The following DSTYK variants were observed in gnomAD, a reference collection of about 807,000 sequenced individuals.
DSTYK encodes RIP-homologous kinase.
DSTYK carries 34 observed loss-of-function variants against 98.7 expected under a neutral mutation model. The observed-to-expected ratio is 0.34, with a 90% CI of 0.26 to 0.46. The LOEUF (loss-of-function observed/expected upper bound fraction) is 0.46, where lower values mean the gene tolerates loss of function less well. Among genes scored for constraint, DSTYK ranks in the 20% least tolerant of loss-of-function variants. The probability of loss-of-function intolerance (pLI) is 1.00; values close to 1 mark genes in which losing one functional copy is unlikely to be tolerated. For missense variants in DSTYK, 962 were observed against 1,181.7 expected (o/e 0.81, Z 2.73); for synonymous variants, 462 against 457.3 (o/e 1.01, Z -0.13).
At chr1:205,209,300 A>G (rs1252083154) in intron 1 of DSTYK, among the ~76,000 whole-genome samples, 2 of 152,226 alleles carry the variant, frequency 1.3e-5, no homozygotes, top group Non-Finnish European at 2.9e-5. Flanking sequence ...GAAACTTCCG[A>G]GCAGGAGACA....
intron 6 of DSTYK, 117 bp from the exon 7 acceptor site, chr1:205,161,504 A>T: frequency 9.2e-7 from 1 of 1,085,918 alleles, no homozygotes; most frequent in Non-Finnish European, 1.3e-6. Context: ...ATTAAACAAG[A>T]TACATGTAAC....
At chr1:205,195,227 C>T (rs568134859) in intron 1 of DSTYK, among the ~76,000 whole-genome samples, 4 of 152,132 alleles carry the variant, frequency 2.6e-5, no homozygotes, top group Non-Finnish European at 4.4e-5. Flanking sequence ...TTATAGTTAA[C>T]TGAGGCAACC....
At position 205,142,545 on chromosome 1, in the gene DSTYK, T is replaced by C. The variant is rs1368933666; in HGVS notation, c.*5013A>G. ...CTTTATTATACAGCACATCTGGTATTTGTGTATCCCAACAAGTATACAGAA... is the reference window on the plus strand; with the variant it reads ...CTTTATTATACAGCACATCTGGTATCTGTGTATCCCAACAAGTATACAGAA... On this transcript the variant is annotated 3_prime_UTR_variant, in exon 13 of 13. Coordinates refer to ENST00000367162, the MANE Select transcript of DSTYK (RefSeq NM_015375.3). 2 of 152,210 alleles carry C rather than the reference T, an allele frequency of 1.3e-5. No individual in the cohort carries two copies. Among genetic ancestry groups the C allele is most frequent in the Non-Finnish European group, 2.9e-5 (2 of 68,044 alleles). 9.4% of individuals were successfully genotyped at this position (152,210 alleles called of 1,614,324 possible).
intron 3 of DSTYK, among the ~76,000 whole-genome samples, chr1:205,164,207 C>T (rs142749542): frequency 2.0e-5 from 3 of 152,184 alleles, no homozygotes; most frequent in Admixed American, 6.5e-5. Flanking sequence ...AATTCCAAAA[C>T]TTTGGGAGGC....
At chr1:205,175,592 T>C (rs1288568989) in intron 2 of DSTYK, among the ~76,000 whole-genome samples, 1 of 152,162 alleles carries the variant, frequency 6.6e-6, no homozygotes, top group Admixed American at 6.6e-5. Context: ...GAATGTGATA[T>C]GCGATTCTGC....
chr1:205,176,679 G>A (rs1658243432), intron 2 of DSTYK, among the ~76,000 whole-genome samples: 1 of 151,570 alleles, frequency 6.6e-6, no homozygotes, highest in East Asian at 2.0e-4. Flanking sequence ...CTGAGCTCAA[G>A]CGATCCTCCT....
intron 10 of DSTYK, among the ~76,000 whole-genome samples, chr1:205,154,969 A>AATTT (rs34240202): frequency 0.19 from 27,723 of 147,694 alleles, 2,691 homozygotes; most frequent in East Asian, 0.27. Flanking sequence ...TGGTGGAAGA[A>AATTT]ATTTATTTAT....
At chr1:205,168,314 G>C (rs1210221488) in intron 3 of DSTYK, among the ~76,000 whole-genome samples, 1 of 152,130 alleles carries the variant, frequency 6.6e-6, no homozygotes, top group African/African-American at 2.4e-5. Flanking sequence ...ATATTTACTA[G>C]CTGTGTGACC....
rs1393555036 is a variant in DSTYK at position 205,150,627 on chromosome 1, A to C, written c.2467+53T>G. 8 of 1,403,854 alleles carry C rather than the reference A, an allele frequency of 5.7e-6. No individual in the cohort carries two copies. Among genetic ancestry groups the C allele is most frequent in the African/African-American group, 1.4e-5 (1 of 70,428 alleles). 87.0% of individuals were successfully genotyped at this position (1,403,854 alleles called of 1,614,324 possible). On this transcript the variant is annotated intron_variant, in intron 11 of 12. Coordinates refer to ENST00000367162, the MANE Select transcript of DSTYK (RefSeq NM_015375.3). This position sits in a 1 kb window ranked among gnomAD's most constrained non-coding sequence, Gnocchi z 4.1. ...GAAACGAGCTCAAGGGGTAGCACTC[A>C]GGATTAAAGTAGTACGCCCTGCCCA...
intron 4 of DSTYK, among the ~76,000 whole-genome samples, chr1:205,163,297 G>A (rs138619004): frequency 0.013 from 1,962 of 151,642 alleles, 18 homozygotes; most frequent in Non-Finnish European, 0.02. Context: ...TTGGCTCACC[G>A]AAACCTCTGC....
At position 205,143,773 on chromosome 1, in the gene DSTYK, A is replaced by G. The variant is rs1439000247; in HGVS notation, c.*3785T>C. The G allele has an allele frequency of 6.6e-6, 1 of 152,622 alleles. No homozygotes were observed. The highest frequency in any genetic ancestry group is 6.5e-5 in the Admixed American group (1 of 15,274). 9.5% of individuals were successfully genotyped at this position (152,622 alleles called of 1,614,324 possible). ...TCTTTGGCAGCTCAAGCAAAGACAC[A>G]AGAATGCATTTGAGAGCTGACAGGT... On this transcript the variant is annotated 3_prime_UTR_variant, in exon 13 of 13. Coordinates refer to ENST00000367162, the MANE Select transcript of DSTYK (RefSeq NM_015375.3).
chr1:205,162,079 C>T lies in DSTYK; in HGVS notation c.1775G>A (p.Arg592Gln), dbSNP rs148815814. Residue 592 changes from arginine (R) to glutamine (Q), a missense_variant, in exon 6 of 13, where the codon CGG (arginine) becomes CAG (glutamine). Physicochemically the swap from Arg to Gln is conservative, Grantham distance 43. Transcript: ENST00000367162. Reference sequence around the variant, plus strand: ...AAAAGCCTCGTGGGAACTATTGAGCCGAGTCCGGAATTGGCTGCAAATGCT... The same window carrying T: ...AAAAGCCTCGTGGGAACTATTGAGCTGAGTCCGGAATTGGCTGCAAATGCT... ...AKSICSQFRTRLNSSHEAFAA... is the reference protein window; with the variant it reads ...AKSICSQFRTQLNSSHEAFAA... 2.5e-4 allele frequency: 410 copies of T among 1,614,004 alleles called. 1 individual carries two copies. The African/African-American group carries it at 3.9e-3, about 15-fold the overall frequency.
At chr1:205,165,935 T>C (rs1657874530) in intron 3 of DSTYK, among the ~76,000 whole-genome samples, 1 of 152,030 alleles carries the variant, frequency 6.6e-6, no homozygotes, top group Admixed American at 6.6e-5. Flanking sequence ...GGTGGGAGGA[T>C]TCCTTGAACC....
In DSTYK at chr1:205,144,107, G is replaced by C. The variant is rs1365254499; in HGVS notation, c.*3451C>G. On this transcript the variant is annotated 3_prime_UTR_variant, in exon 13 of 13. Coordinates refer to ENST00000367162, the MANE Select transcript of DSTYK (RefSeq NM_015375.3). Reference sequence around the variant, plus strand: ...CTTGCCATCAGCTCTCTAGGCACAGGGTCAGCCATTCCAGGGCCCCAGGCT... The same window carrying C: ...CTTGCCATCAGCTCTCTAGGCACAGCGTCAGCCATTCCAGGGCCCCAGGCT... 1 of 152,422 alleles carries C rather than the reference G, an allele frequency of 6.6e-6. No individual in the cohort carries two copies. The highest frequency in any genetic ancestry group is 1.5e-5 in the Non-Finnish European group (1 of 68,052). 9.4% of individuals were successfully genotyped at this position (152,422 alleles called of 1,614,324 possible). A position where few individuals can be genotyped will look rare whatever the true frequency, so the allele number is the denominator to read the frequency against.
chr1:205,207,062 T>C (rs1247280237), intron 1 of DSTYK, among the ~76,000 whole-genome samples: 1 of 150,786 alleles, frequency 6.6e-6, no homozygotes, highest in Non-Finnish European at 1.5e-5. Flanking sequence ...ACAACACATA[T>C]TTAAGTCACT....
rs1657111094 is a variant in DSTYK at position 205,142,774 on chromosome 1, CACACTTAGTATCTT to C, written c.*4770_*4783del. ...CTTTTGTTATTGCACTTTTATTCTA[CACACTTAGTATCTT>C]ACACTTTTATTTAACACTGTAATAA... is the stretch of plus-strand genomic sequence containing the variant. On this transcript the variant is annotated 3_prime_UTR_variant, in exon 13 of 13. Coordinates refer to ENST00000367162, the MANE Select transcript of DSTYK (RefSeq NM_015375.3). 2.0e-5 allele frequency: 3 copies of C among 152,250 alleles called. No individual in the cohort carries two copies. The highest frequency in any genetic ancestry group is 7.2e-5 in the African/African-American group (3 of 41,468). The allele number at this position is 152,250 out of a possible 1,614,324, so 9.4% of individuals were successfully genotyped here.
chr1:205,200,182 G>A (rs562818748), intron 1 of DSTYK, among the ~76,000 whole-genome samples: 2 of 151,948 alleles, frequency 1.3e-5, no homozygotes, highest in African/African-American at 2.4e-5. Flanking sequence ...GATTACAGGC[G>A]CCTACCACCG....
chr1:205,178,390 A>G (rs1658294085), intron 2 of DSTYK, among the ~76,000 whole-genome samples: 1 of 152,144 alleles, frequency 6.6e-6, no homozygotes, highest in Admixed American at 6.6e-5. Flanking sequence ...GATGCAGATA[A>G]CAGTAGAAAT....
Position 205,161,870 on chromosome 1 carries a change from AT to A in DSTYK, c.1818+165del, listed in dbSNP as rs371315641. On this transcript the variant is annotated intron_variant, in intron 6 of 12. Coordinates refer to ENST00000367162, the MANE Select transcript of DSTYK (RefSeq NM_015375.3). ...AATCTAGAAAGAAAATATACTGATGATTTTAATATACATATGTGTGTGTGTG... is the reference window on the plus strand; with the variant it reads ...AATCTAGAAAGAAAATATACTGATGATTTAATATACATATGTGTGTGTGTG... 5.1e-4 allele frequency among the ~76,000 whole-genome samples: 78 copies of A among 152,030 alleles called. 2 individuals carry two copies. In the East Asian group the frequency reaches 0.012, roughly 24 times the overall value.
Sources: allele counts gnomAD v4.1 joint callset (sites outside exome capture counted in the v4.1 genomes callset), GRCh38; gene constraint gnomAD v4.1.1; non-coding constraint Gnocchi (gnomAD v3.1); transcripts MANE v1.5; gene names NCBI Gene and HGNC (gene_info 2026-07-23, HGNC 2026-07-21).